Variants in SPEF2 observed in about 807,000 individuals in gnomAD.
SPEF2 encodes sperm flagellar and cilia associated 2.
In SPEF2, 187 loss-of-function variants were observed where a neutral mutation model predicts 224.6. That is an observed-to-expected ratio of 0.83 (90% CI 0.74 to 0.94). The LOEUF (loss-of-function observed/expected upper bound fraction) is 0.94, where lower values mean the gene tolerates loss of function less well. Ranked by LOEUF, SPEF2 falls within the 40% of genes least tolerant of loss-of-function variation. The pLI is 0.00. For synonymous variants in SPEF2, 715 were observed against 707.3 expected (o/e 1.01, Z -0.17); for missense variants, 2,170 against 2,135.6 (o/e 1.02, Z -0.32).
chr5:35,710,260 A>G, intron 19 of SPEF2: 1 of 984,708 alleles, frequency 1.0e-6, no homozygotes, highest in Non-Finnish European at 1.2e-6. Flanking sequence ...AATGCTTTTT[A>G]GAACTGGGGA....
At position 35,703,342 on chromosome 5, in the gene SPEF2, C is replaced by T. The variant is rs554689389; in HGVS notation, c.2399-1212C>T. Among the ~76,000 whole-genome samples the T allele has an allele frequency of 4.6e-5, 7 of 152,060 alleles. No homozygotes were observed. The South Asian group carries it at 6.2e-4, about 14-fold the overall frequency. ...GGAGAACTTGAAGTGTTCATTCATGCAGTTTAGGTTTGCTAGAAAGCATAA... is the reference window on the plus strand; with the variant it reads ...GGAGAACTTGAAGTGTTCATTCATGTAGTTTAGGTTTGCTAGAAAGCATAA... On this transcript the variant is annotated intron_variant, in intron 16 of 36. Transcript: ENST00000356031.
In SPEF2 at chr5:35,709,088, A is replaced by G. The variant is rs1305504978; in HGVS notation, c.2806A>G (p.Lys936Glu). The change falls in exon 19 of 37, where the codon AAA becomes GAA. Residue 936 changes from lysine (K) to glutamate (E), a missense_variant. Transcript: ENST00000356031. ...AATTCATCAAAGCCATGTGGCTTCA[A>G]AAACTCCTACTGCAAAAGGAAAACC... ...KEIHQSHVAS[K>E]TPTAKGKPQS... 5 of 1,613,316 alleles carry G rather than the reference A, an allele frequency of 3.1e-6. No individual in the cohort carries two copies. The highest frequency in any genetic ancestry group is 1.7e-5 in the Admixed American group (1 of 59,832).
At chr5:35,796,693 C>T (rs1756718298) in intron 33 of SPEF2, among the ~76,000 whole-genome samples, 2 of 151,962 alleles carry the variant, frequency 1.3e-5, no homozygotes, top group Admixed American at 1.3e-4. Flanking sequence ...TCACAGTGAA[C>T]TCTGTATAAT....
chr5:35,687,130 G>C (rs1007518132), intron 10 of SPEF2, among the ~76,000 whole-genome samples: 3 of 151,948 alleles, frequency 2.0e-5, no homozygotes, highest in Non-Finnish European at 2.9e-5. Context: ...CATTCTTCTG[G>C]TGTCAATTTA....
At chr5:35,631,205 T>C (rs903832061) in intron 2 of SPEF2, among the ~76,000 whole-genome samples, 2 of 151,978 alleles carry the variant, frequency 1.3e-5, no homozygotes, top group African/African-American at 4.8e-5. Context: ...AGAGAAGCTC[T>C]TGTTTTTAAA....
intron 1 of SPEF2, among the ~76,000 whole-genome samples, chr5:35,627,088 GTTATA>G (rs36209043): frequency 0.096 from 14,485 of 151,390 alleles, 844 homozygotes; most frequent in East Asian, 0.17. Context: ...AATATAATAT[GTTATA>G]TTATATGTTA....
At chr5:35,651,612 C>T (rs1748194956) in intron 6 of SPEF2, among the ~76,000 whole-genome samples, 2 of 152,196 alleles carry the variant, frequency 1.3e-5, no homozygotes, top group South Asian at 4.1e-4. Context: ...TAAGCCATTT[C>T]ATTAATCACT....
chr5:35,623,131 T>A (rs575298073), intron 1 of SPEF2, among the ~76,000 whole-genome samples: 1 of 152,116 alleles, frequency 6.6e-6, no homozygotes, highest in Non-Finnish European at 1.5e-5. Flanking sequence ...AGAAATGACT[T>A]GGACTTGTGT....
intron 1 of SPEF2, among the ~76,000 whole-genome samples, chr5:35,622,182 A>ATTAATCTTTTCGTTTTATAT (rs1743612327): frequency 6.6e-6 from 1 of 152,048 alleles, no homozygotes; most frequent in Non-Finnish European, 1.5e-5. Flanking sequence ...TCCATAAATG[A>ATTAATCTTTTCGTTTTATAT]TTAATCTTTT....
chr5:35,751,076 TATACACAC>T (rs1335791301), intron 23 of SPEF2, among the ~76,000 whole-genome samples: 2 of 50,430 alleles, frequency 4.0e-5, no homozygotes, highest in African/African-American at 6.5e-5. Flanking sequence ...TGTATATATA[TATACACAC>T]ACACACACAC....
chr5:35,800,089 T>C lies in SPEF2; in HGVS notation c.4952T>C (p.Val1651Ala). 1 of 1,614,144 alleles carries C rather than the reference T, an allele frequency of 6.2e-7. No individual in the cohort carries two copies. The highest frequency in any genetic ancestry group is 8.5e-7 in the Non-Finnish European group (1 of 1,180,012). Residue 1651 changes from valine (V) to alanine (A), a missense_variant, in exon 34 of 37, where the codon GTG becomes GCG. By Grantham distance (64) the Val-to-Ala change is moderately conservative (BLOSUM62 0). Coordinates refer to ENST00000356031, the MANE Select transcript of SPEF2 (RefSeq NM_024867.4). ...TVEGVYRALS[V>A]AVGTHVFQQV... ...GAAGGAGTCTACAGGGCCCTCAGTG[T>C]GGCTGTTGGAACTCATGTCTTCCAA...
chr5:35,706,405 C>G (rs1253597960), intron 18 of SPEF2, among the ~76,000 whole-genome samples: 1 of 151,946 alleles, frequency 6.6e-6, no homozygotes, highest in East Asian at 1.9e-4. Context: ...TTTCATTCAA[C>G]CAATGATAAT....
intron 4 of SPEF2, among the ~76,000 whole-genome samples, chr5:35,645,058 G>C (rs981622827): frequency 1.3e-5 from 2 of 152,048 alleles, no homozygotes; most frequent in Admixed American, 6.6e-5. Flanking sequence ...CTAACTCTCT[G>C]CTCCTTCTCA....
intron 21 of SPEF2, among the ~76,000 whole-genome samples, chr5:35,736,924 A>T (rs1032267297): frequency 2.1e-3 from 5 of 2,334 alleles, no homozygotes; most frequent in South Asian, 0.036. Context: ...CAAAAAAATA[A>T]AAAAAAACAC....
intron 23 of SPEF2, among the ~76,000 whole-genome samples, chr5:35,745,471 G>A (rs1300280233): frequency 3.3e-5 from 5 of 152,164 alleles, no homozygotes; most frequent in Non-Finnish European, 7.4e-5. Flanking sequence ...ACTCGGGGCT[G>A]TTGGCAGAGG....
At chr5:35,805,902 G>A (rs561737942) in intron 34 of SPEF2, among the ~76,000 whole-genome samples, 45 of 152,128 alleles carry the variant, frequency 3.0e-4, no homozygotes, top group African/African-American at 1.0e-3. Flanking sequence ...TCATGGCAAT[G>A]TAATACTACA....
intron 20 of SPEF2, among the ~76,000 whole-genome samples, chr5:35,726,592 A>T: frequency 6.6e-6 from 1 of 152,286 alleles, no homozygotes; most frequent in Middle Eastern, 3.4e-3. Flanking sequence ...TCTACTTATA[A>T]TCTACTTATT....
chr5:35,776,195 G>T, intron 28 of SPEF2, 62 bp from the exon 29 acceptor site: 1 of 1,514,828 alleles, frequency 6.6e-7, no homozygotes. Flanking sequence ...AAGTGAATCT[G>T]TTCATTAGTA....
intron 30 of SPEF2, chr5:35,788,500 T>G: frequency 1.4e-6 from 1 of 702,670 alleles, no homozygotes; most frequent in Non-Finnish European, 2.6e-6. Context: ...AAGCCGAACT[T>G]GTCTATGTGC....
Sources: gnomAD v4.1 joint callset for allele counts (sites outside exome capture counted in the v4.1 genomes callset) on GRCh38, gnomAD v4.1.1 for gene constraint, MANE v1.5 for transcripts, NCBI Gene and HGNC (gene_info 2026-07-23, HGNC 2026-07-21) for gene names.